Variants in SWT1 observed in about 807,000 individuals in gnomAD.
SWT1 encodes the protein transcriptional protein SWT1.
A neutral mutation model predicts 107.3 loss-of-function variants in SWT1; 33 were observed. The observed-to-expected ratio is 0.31, with a 90% CI of 0.23 to 0.41. The LOEUF (loss-of-function observed/expected upper bound fraction) is 0.41, where lower values mean the gene tolerates loss of function less well. SWT1 is among the 10% of genes least tolerant of loss of function. The pLI is 1.00. For synonymous variants in SWT1, 345 were observed against 348.3 expected (o/e 0.99, Z 0.11); for missense variants, 898 against 1,028.9 (o/e 0.87, Z 1.74).
chr1:185,247,287 G>A (rs1661682879), intron 16 of SWT1, among the ~76,000 whole-genome samples: 1 of 152,100 alleles, frequency 6.6e-6, no homozygotes, highest in South Asian at 2.1e-4. Context: ...GTGACCTGGG[G>A]CTCTCTGACA....
chr1:185,220,320 C>G (rs1571539549), intron 14 of SWT1, among the ~76,000 whole-genome samples: 2 of 149,132 alleles, frequency 1.3e-5, no homozygotes, highest in Non-Finnish European at 1.5e-5. Context: ...AGAATTTTAT[C>G]TCCACACTCC....
chr1:185,290,404 C>CT (rs770879121), intron 18 of SWT1, among the ~76,000 whole-genome samples: 63 of 152,022 alleles, frequency 4.1e-4, no homozygotes, highest in Non-Finnish European at 7.1e-4. Flanking sequence ...TGCTGAGACT[C>CT]TATCTCTAAA....
chr1:185,208,130 A>G (rs1201919721), intron 13 of SWT1, among the ~76,000 whole-genome samples: 1 of 152,182 alleles, frequency 6.6e-6, no homozygotes, highest in Non-Finnish European at 1.5e-5. Context: ...GATAATGAAG[A>G]ATAGGAGATG....
At chr1:185,198,570 C>T (rs904065345) in intron 10 of SWT1, among the ~76,000 whole-genome samples, 1 of 152,108 alleles carries the variant, frequency 6.6e-6, no homozygotes, top group Non-Finnish European at 1.5e-5. Flanking sequence ...GAGTCTAAGT[C>T]TCTTTGTAGG....
chr1:185,234,607 T>C (rs774177177), intron 16 of SWT1, among the ~76,000 whole-genome samples: 1 of 152,224 alleles, frequency 6.6e-6, no homozygotes, highest in Admixed American at 6.5e-5. Flanking sequence ...TTAGCCCATT[T>C]ACATTTAAGG....
intron 10 of SWT1, among the ~76,000 whole-genome samples, chr1:185,192,285 C>T (rs1393298404): frequency 6.6e-6 from 1 of 152,150 alleles, no homozygotes; most frequent in African/African-American, 2.4e-5. Context: ...AACCTATCAT[C>T]TCCATAAATG....
chr1:185,231,822 T>C (rs915852681), intron 16 of SWT1, 114 bp downstream of exon 16: 27 of 691,366 alleles, frequency 3.9e-5, no homozygotes, highest in Non-Finnish European at 6.0e-5. Flanking sequence ...CGTGGCACTT[T>C]ATAGCATGAA....
intron 5 of SWT1, 119 bp from the exon 6 acceptor site, chr1:185,180,272 A>G (rs1348773874): frequency 1.3e-6 from 1 of 753,046 alleles, no homozygotes; most frequent in African/African-American, 1.7e-5. Flanking sequence ...ACCATCCTGC[A>G]ATATACAGGG....
rs991926745 is a variant in SWT1 at position 185,268,195 on chromosome 1, A to G, written c.2442-3128A>G. On this transcript the variant is annotated intron_variant, in intron 16 of 18. Transcript: ENST00000367500. ...ATATTGTTGTTTTAAAAAGTAACAT[A>G]TATAGTTTTTATCTGATTATAAAAG... Among the ~76,000 whole-genome samples, 7 of 152,330 alleles carry G rather than the reference A, an allele frequency of 4.6e-5. No individual in the cohort carries two copies. The East Asian group carries it at 1.2e-3, about 25-fold the overall frequency.
chr1:185,278,275 C>G (rs770236270), intron 18 of SWT1, among the ~76,000 whole-genome samples: 10 of 152,108 alleles, frequency 6.6e-5, no homozygotes, highest in Non-Finnish European at 1.3e-4. Flanking sequence ...GGATTAGTAC[C>G]TTTATAAAAG....
chr1:185,187,251 G>T (rs1482074785), intron 9 of SWT1, among the ~76,000 whole-genome samples: 3 of 151,142 alleles, frequency 2.0e-5, no homozygotes, highest in African/African-American at 7.3e-5. Flanking sequence ...GTAGAGATGG[G>T]GTTTTGTCAT....
At chr1:185,275,759 A>G (rs1423469716) in intron 17 of SWT1, among the ~76,000 whole-genome samples, 1 of 152,136 alleles carries the variant, frequency 6.6e-6, no homozygotes. Context: ...TTCTATGAAA[A>G]CATTGAAGAA....
intron 16 of SWT1, among the ~76,000 whole-genome samples, chr1:185,245,806 T>C (rs1438407165): frequency 1.3e-5 from 2 of 152,112 alleles, no homozygotes; most frequent in Non-Finnish European, 2.9e-5. Context: ...TCTCACTCTG[T>C]TGCCCAGGCT....
At chr1:185,268,730 C>T (rs922947906) in intron 16 of SWT1, among the ~76,000 whole-genome samples, 1 of 152,064 alleles carries the variant, frequency 6.6e-6, no homozygotes, top group Non-Finnish European at 1.5e-5. Context: ...TAATATAGAA[C>T]ATCTTGTTTT....
chr1:185,172,828 C>T (rs1388360653), intron 4 of SWT1, among the ~76,000 whole-genome samples: 3 of 151,902 alleles, frequency 2.0e-5, no homozygotes, highest in African/African-American at 7.3e-5. Context: ...GTGGGCAGAT[C>T]ACGAGGTCAA....
At chr1:185,209,674 G>A (rs1028590698) in intron 13 of SWT1, among the ~76,000 whole-genome samples, 3 of 152,128 alleles carry the variant, frequency 2.0e-5, no homozygotes, top group South Asian at 2.1e-4. Context: ...GAACAGTGCC[G>A]CAGTAAACAT....
intron 9 of SWT1, among the ~76,000 whole-genome samples, chr1:185,187,553 C>CTTTTTGAGGTT (rs1656598692): frequency 6.6e-6 from 1 of 152,016 alleles, no homozygotes; most frequent in East Asian, 1.9e-4. Context: ...AAGATAAACC[C>CTTTTTGAGGTT]TACTGTTGAG....
At chr1:185,174,157 G>C (rs922878985) in intron 4 of SWT1, among the ~76,000 whole-genome samples, 8 of 152,138 alleles carry the variant, frequency 5.3e-5, no homozygotes, top group Non-Finnish European at 7.4e-5. Context: ...TATGTTGTTT[G>C]TTACTATTTA....
intron 17 of SWT1, among the ~76,000 whole-genome samples, chr1:185,272,357 G>C (rs1001029184): frequency 2.6e-5 from 4 of 152,170 alleles, no homozygotes; most frequent in African/African-American, 7.2e-5. Context: ...TCAATTTTGT[G>C]TGTATATGTG....
Sources: allele counts gnomAD v4.1 joint callset (sites outside exome capture counted in the v4.1 genomes callset), GRCh38; gene constraint gnomAD v4.1.1; transcripts MANE v1.5; gene names NCBI Gene and HGNC (gene_info 2026-07-23, HGNC 2026-07-21).